ACAT2: variants seen among roughly 807,000 people sequenced by gnomAD.
ACAT2 encodes the protein acetyl-CoA acetyltransferase 2, also known as acetyl-CoA acetyltransferase, cytosolic.
ACAT2 carries 26 observed loss-of-function variants against 37.1 expected under a neutral mutation model. The ratio of observed to expected loss-of-function variants is 0.70; its 90% CI spans 0.51 to 0.97. The LOEUF (loss-of-function observed/expected upper bound fraction) is 0.97, where lower values mean the gene tolerates loss of function less well. ACAT2 is among the 50% of genes least tolerant of loss of function. The pLI, the probability that ACAT2 is intolerant of heterozygous loss-of-function variation, is 0.00. For synonymous variants in ACAT2, 156 were observed against 163.6 expected, an observed-to-expected ratio of 0.95 and a Z score of 0.35; for missense variants, 468 against 489.0, an observed-to-expected ratio of 0.96 and a Z score of 0.40.
At chr6:159,769,979 A>G (rs1780310678) in intron 4 of ACAT2, among the ~76,000 whole-genome samples, 1 of 152,254 alleles carries the variant, frequency 6.6e-6, no homozygotes, top group African/African-American at 2.4e-5. Flanking sequence ...CTAGGAGATA[A>G]AAGTTCTGGA....
intron 2 of ACAT2, 58 bp downstream of exon 2, chr6:159,763,111 C>A (rs1780182187): frequency 1.3e-6 from 2 of 1,549,634 alleles, no homozygotes; most frequent in Admixed American, 1.9e-5. Flanking sequence ...CATAAACACA[C>A]ACACACACAC....
chr6:159,768,768 G>C, intron 4 of ACAT2, 140 bp downstream of exon 4: 1 of 525,342 alleles, frequency 1.9e-6, no homozygotes, highest in Non-Finnish European at 3.4e-6. Flanking sequence ...ATTAACTGAA[G>C]TGAAGTAAGT....
At chr6:159,773,675 C>T (rs544821110) in intron 4 of ACAT2, among the ~76,000 whole-genome samples, 12 of 152,198 alleles carry the variant, frequency 7.9e-5, no homozygotes, top group African/African-American at 1.9e-4. Context: ...ACAATTTCAG[C>T]GTGCAAATAA....
chr6:159,771,431 T>A (rs1425522830), intron 4 of ACAT2, among the ~76,000 whole-genome samples: 1 of 151,044 alleles, frequency 6.6e-6, no homozygotes, highest in African/African-American at 2.4e-5. Context: ...CAGGACAAAA[T>A]AAATAGGACT....
chr6:159,762,617 G>A (rs528164064), intron 1 of ACAT2: 1 of 1,410,368 alleles, frequency 7.1e-7, no homozygotes, highest in Non-Finnish European at 9.4e-7. Context: ...TTGACCCGCC[G>A]GTTCCTTTTG....
intron 4 of ACAT2, among the ~76,000 whole-genome samples, chr6:159,773,890 G>T (rs1346143690): frequency 2.0e-5 from 3 of 152,216 alleles, no homozygotes; most frequent in Admixed American, 6.5e-5. Flanking sequence ...TAGAAGGAAT[G>T]TTGGAGTTAG....
rs1780393991 is a variant in ACAT2, at chr6:159,775,210, T to TCAGGACAAGGTTGCAGTTCTGTCC, written c.535_558dup (p.Asp179_Gln186dup). ...AAAAATGGCAAGTGAGTAGAGAAGA[T>TCAGGACAAGGTTGCAGTTCTGTCC]CAGGACAAGGTTGCAGTTCTGTCCC... On this transcript the variant is annotated inframe_insertion, in exon 5 of 9. Coordinates refer to ENST00000367048, the MANE Select transcript of ACAT2 (RefSeq NM_005891.3). 1 of 1,614,054 alleles carries TCAGGACAAGGTTGCAGTTCTGTCC rather than the reference T, an allele frequency of 6.2e-7. No individual in the cohort carries two copies.
chr6:159,771,208 T>C (rs962932644), intron 4 of ACAT2, among the ~76,000 whole-genome samples: 30 of 151,728 alleles, frequency 2.0e-4, no homozygotes, highest in Non-Finnish European at 3.4e-4. Context: ...ATGGAGAAAC[T>C]CCATCTCTAC....
intron 5 of ACAT2, chr6:159,775,598 T>G (rs1424870881): frequency 2.8e-5 from 9 of 316,354 alleles, no homozygotes; most frequent in Non-Finnish European, 5.8e-6. Flanking sequence ...CTCATGGTTG[T>G]TAGGAGGCAC....
chr6:159,773,343 A>G (rs994810036), intron 4 of ACAT2, among the ~76,000 whole-genome samples: 6 of 152,218 alleles, frequency 3.9e-5, no homozygotes, highest in Non-Finnish European at 8.8e-5. Flanking sequence ...AGAAACAATG[A>G]CAAACCAGTA....
intron 2 of ACAT2, among the ~76,000 whole-genome samples, chr6:159,765,876 T>C (rs1218448445): frequency 6.6e-6 from 1 of 152,226 alleles, no homozygotes; most frequent in Non-Finnish European, 1.5e-5. Context: ...TCTAAGTTTT[T>C]ATCAGCGACT....
At position 159,776,402 on chromosome 6, in the gene ACAT2, C is replaced by T. The variant is rs575394617; in HGVS notation, c.757+130C>T. On this transcript the variant is annotated intron_variant, in intron 6 of 8. Coordinates refer to ENST00000367048, the MANE Select transcript of ACAT2 (RefSeq NM_005891.3). ...AGGGACTCACTCTGCCAGCCAGGTT[C>T]GTGTGCAGCAATATGATCATTGCTC... 3.6e-5 allele frequency: 42 copies of T among 1,170,492 alleles called. No homozygotes were observed. In the East Asian group the frequency reaches 7.7e-4, roughly 21 times the overall value. The allele number at this position is 1,170,492 out of a possible 1,614,324, so 72.5% of individuals were successfully genotyped here. A position where few individuals can be genotyped will look rare whatever the true frequency, so the allele number is the denominator to read the frequency against.
intron 2 of ACAT2, 43 bp downstream of exon 2, chr6:159,763,096 C>T: frequency 1.3e-6 from 2 of 1,585,816 alleles, no homozygotes; most frequent in South Asian, 1.2e-5. Flanking sequence ...TTATTAGAAA[C>T]AGCCCATAAA....
intron 6 of ACAT2, 69 bp downstream of exon 6, chr6:159,776,341 T>G: frequency 6.5e-7 from 1 of 1,527,252 alleles, no homozygotes; most frequent in Non-Finnish European, 8.8e-7. Context: ...AATATTTTTC[T>G]CTTTATTTAT....
chr6:159,762,435 T>C, intron 1 of ACAT2: 1 of 1,359,558 alleles, frequency 7.4e-7, no homozygotes, highest in Non-Finnish European at 9.5e-7. Context: ...AGGGAGGTGT[T>C]CTCCTCCGGG....
rs752898736 is a variant in ACAT2 at position 159,778,848 on chromosome 6, A to C, written c.*19A>C. On this transcript the variant is annotated 3_prime_UTR_variant, in exon 9 of 9. Transcript: ENST00000367048. ...AGAATGAATTGCTTAAACTTTGAAC[A>C]ACCTCAATTTCTTTTTAAACTAATA... 3.9e-5 allele frequency: 63 copies of C among 1,613,792 alleles called. 1 individual carries two copies. Among genetic ancestry groups the C allele is most frequent in the South Asian group, 9.9e-5 (9 of 91,070 alleles).
chr6:159,764,871 G>A (rs185026447), intron 2 of ACAT2, among the ~76,000 whole-genome samples: 1 of 152,250 alleles, frequency 6.6e-6, no homozygotes, highest in Admixed American at 6.5e-5. Context: ...AGTTTAAGAG[G>A]TTAAATGACT....
intron 1 of ACAT2, 150 bp downstream of exon 1, chr6:159,762,292 G>A: frequency 8.0e-7 from 1 of 1,253,112 alleles, no homozygotes; most frequent in Non-Finnish European, 1.1e-6. Context: ...GGAACCCTGC[G>A]GCTCCCGCGT....
chr6:159,778,518 A>T (rs1479368282), intron 8 of ACAT2, 141 bp from the exon 9 acceptor site: 15 of 977,088 alleles, frequency 1.5e-5, no homozygotes, highest in Non-Finnish European at 2.2e-5. Context: ...CAAAGGTGTA[A>T]ATTTATTCCT....
Sources: gnomAD v4.1 joint callset for allele counts (sites outside exome capture counted in the v4.1 genomes callset) on GRCh38, gnomAD v4.1.1 for gene constraint, MANE v1.5 for transcripts, NCBI Gene and HGNC (gene_info 2026-07-23, HGNC 2026-07-21) for gene names.